The following ERN2 variants were observed in gnomAD, a reference collection of about 807,000 sequenced individuals.
ERN2 encodes the protein endoplasmic reticulum to nucleus signaling 2, also known as serine/threonine-protein kinase/endoribonuclease IRE2.
ERN2 carries 111 observed loss-of-function variants against 107.9 expected under a neutral mutation model. That is an observed-to-expected ratio of 1.03 (90% CI 0.88 to 1.20). The LOEUF is 1.20. Among genes scored for constraint, ERN2 ranks in the 50% most tolerant of loss-of-function variants. The pLI is 0.00. For synonymous variants in ERN2, 524 were observed against 501.7 expected (o/e 1.04, Z -0.59); for missense variants, 1,225 against 1,197.9 (o/e 1.02, Z -0.33).
intron 4 of ERN2, among the ~76,000 whole-genome samples, chr16:23,707,695 A>G (rs2141021539): frequency 6.6e-6 from 1 of 152,368 alleles, no homozygotes; most frequent in East Asian, 1.9e-4. Context: ...CCGAGGCAAT[A>G]GAGTGAGACT....
chr16:23,711,649 C>A (rs184729635), intron 1 of ERN2, among the ~76,000 whole-genome samples: 1 of 152,166 alleles, frequency 6.6e-6, no homozygotes, highest in Non-Finnish European at 1.5e-5. Context: ...TGAGCCACTG[C>A]ACCCATTCTA....
chr16:23,691,610 A>G (rs923500908), intron 19 of ERN2, among the ~76,000 whole-genome samples, 185 bp from the exon 20 acceptor site: 3 of 152,220 alleles, frequency 2.0e-5, no homozygotes, highest in African/African-American at 7.2e-5. Context: ...TGCTGTCCCT[A>G]TTCTACAGAT....
chr16:23,710,444 A>T, intron 3 of ERN2, 72 bp downstream of exon 3: 1 of 1,518,682 alleles, frequency 6.6e-7, no homozygotes, highest in Non-Finnish European at 9.1e-7. Flanking sequence ...CCACATACAA[A>T]CTCTCTCCAG....
intron 19 of ERN2, 145 bp from the exon 20 acceptor site, chr16:23,691,570 T>C: frequency 2.0e-6 from 2 of 990,530 alleles, no homozygotes; most frequent in South Asian, 1.7e-5. Flanking sequence ...CACGCCTCTG[T>C]TATTTACCAC....
chr16:23,711,973 C>G (rs1163219202), intron 1 of ERN2: 5 of 414,832 alleles, frequency 1.2e-5, no homozygotes, highest in African/African-American at 1.0e-4. Flanking sequence ...GTACTTACAT[C>G]TGGCGATCCT....
intron 13 of ERN2, among the ~76,000 whole-genome samples, chr16:23,697,880 C>A (rs980267073): frequency 3.3e-5 from 5 of 152,204 alleles, no homozygotes; most frequent in South Asian, 2.1e-4. Context: ...CCTCAGCCCC[C>A]CAAGCAGCTG....
At chr16:23,696,745 C>G (rs1959844361) in intron 13 of ERN2, 1 of 152,216 alleles carries the variant, frequency 6.6e-6, no homozygotes, top group Non-Finnish European at 1.5e-5. Flanking sequence ...CAGGCTGTGT[C>G]CTGCTCAGCT....
Position 23,700,718 on chromosome 16 carries a change from G to A in ERN2, c.1360-14C>T, listed in dbSNP as rs989104583. ...CTGCGGCTGTTGCTGTAACATGAGA[G>A]CCTAAGAGAGCTTTGTCCTGGCCAC... On this transcript the variant is annotated splice_polypyrimidine_tract_variant and intron_variant, in intron 12 of 21. Transcript: ENST00000256797. The A allele has an allele frequency of 1.9e-6, 3 of 1,606,354 alleles. No homozygotes were observed. In the East Asian group the frequency reaches 6.7e-5, roughly 36 times the overall value.
chr16:23,709,913 C>A (rs1960472356), intron 4 of ERN2: 6 of 424,942 alleles, frequency 1.4e-5, no homozygotes, highest in Non-Finnish European at 2.6e-5. Flanking sequence ...ATACATTTCT[C>A]TTTAAAGCCC....
chr16:23,702,187 G>T lies in ERN2; in HGVS notation c.1168C>A (p.Pro390Thr). 3.7e-6 allele frequency: 6 copies of T among 1,614,110 alleles called. No homozygotes were observed. The highest frequency in any genetic ancestry group is 4.2e-6 in the Non-Finnish European group (5 of 1,180,034). Reference sequence around the variant, plus strand: ...AAGGCTGGGGCCTGGGTATTCTCTGGAGGTCTTGTCTCTGCAGTTCCACTC... The same window carrying T: ...AAGGCTGGGGCCTGGGTATTCTCTGTAGGTCTTGTCTCTGCAGTTCCACTC... Reference protein sequence around the residue: ...LGSGTAETRPPENTQAPAFFL... With the variant: ...LGSGTAETRPTENTQAPAFFL... The change falls in exon 11 of 22, where the codon CCA (proline) becomes ACA (threonine). Residue 390 changes from proline to threonine, a missense_variant. Physicochemically the swap from Pro to Thr is conservative, Grantham distance 38 (BLOSUM62 -1). Transcript: ENST00000256797.
rs747761449 is a variant in ERN2 at position 23,708,347 on chromosome 16, C to CT, written c.307-1269dup. Reference sequence around the variant, plus strand: ...CCAGATCTTTCCATTTGGTGCTATTCTTTTTTTTTTTTTTTTTTTTTTTTT... The same window carrying CT: ...CCAGATCTTTCCATTTGGTGCTATTCTTTTTTTTTTTTTTTTTTTTTTTTTT... On this transcript the variant is annotated intron_variant, in intron 4 of 21. Coordinates refer to ENST00000256797, the MANE Select transcript of ERN2 (RefSeq NM_033266.4). Among the ~76,000 whole-genome samples, 431 of 54,726 alleles carry CT rather than the reference C, an allele frequency of 7.9e-3. 38 individuals carry two copies. Among genetic ancestry groups the CT allele is most frequent in the Middle Eastern group, 0.016 (1 of 62 alleles). 35.9% of individuals were successfully genotyped at this position (54,726 alleles called of 152,430 possible). A position where few individuals can be genotyped will look rare whatever the true frequency, so the allele number is the denominator to read the frequency against.
rs1959808115 is a variant in ERN2 at position 23,695,936 on chromosome 16, T to G, written c.1568A>C (p.Lys523Thr). 1.2e-6 allele frequency: 2 copies of G among 1,614,172 alleles called. No homozygotes were observed. Among genetic ancestry groups the G allele is most frequent in the Non-Finnish European group, 1.7e-6 (2 of 1,180,010 alleles). The change falls in exon 14 of 22, where the codon AAG (lysine) becomes ACG (threonine). Residue 523 changes from lysine (K) to threonine (T), a missense_variant. Coordinates refer to ENST00000256797, the MANE Select transcript of ERN2 (RefSeq NM_033266.4). ...TVVGKISFNP[K>T]DVLGRGAGGT... ...GCCTGCCCCGCGGCCCAGCACGTCC[T>G]TGGGATTGAAGGAAATCTTCCCCAC... is the stretch of plus-strand genomic sequence containing the variant.
At position 23,707,756 on chromosome 16, in the gene ERN2, A is replaced by T. The variant is rs566245812; in HGVS notation, c.307-677T>A. On this transcript the variant is annotated intron_variant, in intron 4 of 21. Coordinates refer to ENST00000256797, the MANE Select transcript of ERN2 (RefSeq NM_033266.4). ...ACAAACAAACAAAAAAAAGCCGCAC[A>T]CACATCAAGTGGGGAGTTTAATTCC... Among the ~76,000 whole-genome samples, 11 of 152,314 alleles carry T rather than the reference A, an allele frequency of 7.2e-5. 1 individual carries two copies. The highest frequency in any genetic ancestry group is 3.4e-3 in the Middle Eastern group (1 of 294).
At chr16:23,693,272 G>C (rs994778033) in intron 17 of ERN2, among the ~76,000 whole-genome samples, 1 of 151,590 alleles carries the variant, frequency 6.6e-6, no homozygotes, top group Non-Finnish European at 1.5e-5. Context: ...CCATGACAGA[G>C]CAAGACCCTG....
chr16:23,706,993 G>T lies in ERN2; in HGVS notation c.379+14C>A. ...TGGCTGAACCTGGACCCCACAGGCT[G>T]AAGAGATGCTCACCTGTGTAGAAGA... On this transcript the variant is annotated intron_variant, in intron 5 of 21. Transcript: ENST00000256797. 1 of 1,611,476 alleles carries T rather than the reference G, an allele frequency of 6.2e-7. No individual in the cohort carries two copies. The highest frequency in any genetic ancestry group is 1.1e-5 in the South Asian group (1 of 91,018).
At chr16:23,695,771 GGCGAGTGAGGGAT>G in intron 14 of ERN2, 110 bp downstream of exon 14, 3 of 658,036 alleles carry the variant, frequency 4.6e-6, no homozygotes, top group Non-Finnish European at 8.3e-6. Flanking sequence ...GAGCAGGACT[GGCGAGTGAGGGAT>G]CAACCTGTAC....
Position 23,710,959 on chromosome 16 carries a change from G to A in ERN2, c.153C>T (p.His51=), listed in dbSNP as rs56342512. ...LLVSTLDGSL[H]ALSKQTGDLK... is the part of the protein sequence containing the mutation. Reference sequence around the variant, plus strand: ...GGTCCCCTGTCTGCTTGCTTAGTGCGTGGAGACTTCCATCCAAGGTGGACA... The same window carrying A: ...GGTCCCCTGTCTGCTTGCTTAGTGCATGGAGACTTCCATCCAAGGTGGACA... Residue 51 remains histidine (H), a synonymous_variant, in exon 2 of 22, where the codon CAC becomes CAT. Transcript: ENST00000256797. 131,419 of 1,613,550 alleles carry A rather than the reference G, an allele frequency of 0.081. 6,195 individuals are homozygous for A. The highest frequency in any genetic ancestry group is 0.096 in the Non-Finnish European group (113,153 of 1,179,476).
chr16:23,704,848 G>A (rs376433963), intron 8 of ERN2, 35 bp downstream of exon 8: 649 of 1,594,058 alleles, frequency 4.1e-4, no homozygotes, highest in Middle Eastern at 7.7e-4. Context: ...ACTCCCAGAT[G>A]GCTCCCTCCC....
intron 7 of ERN2, 56 bp downstream of exon 7, chr16:23,706,274 G>T (rs1161262808): frequency 2.4e-6 from 3 of 1,244,860 alleles, no homozygotes; most frequent in Non-Finnish European, 3.3e-6. Flanking sequence ...GCTGTTCAGG[G>T]TTCCCTGGGT....
Sources: allele counts gnomAD v4.1 joint callset (sites outside exome capture counted in the v4.1 genomes callset), GRCh38; gene constraint gnomAD v4.1.1; transcripts MANE v1.5; gene names NCBI Gene and HGNC (gene_info 2026-07-23, HGNC 2026-07-21).